NR5A2: variants seen among roughly 807,000 people sequenced by gnomAD.
The protein encoded by NR5A2 is CYP7A promoter-binding factor.
A neutral mutation model predicts 62.7 loss-of-function variants in NR5A2; 26 were observed. The ratio of observed to expected loss-of-function variants is 0.41; its 90% confidence interval spans 0.30 to 0.58. The LOEUF is 0.58. Ranked by LOEUF, NR5A2 falls within the 20% of genes least tolerant of loss-of-function variation. The pLI, the probability that NR5A2 is intolerant of heterozygous loss-of-function variation, is 0.22. For synonymous variants in NR5A2, 246 were observed against 241.7 expected, an observed-to-expected ratio of 1.02 and a Z score of -0.16; for missense variants, 541 against 669.1, an observed-to-expected ratio of 0.81 and a Z score of 2.11.
At chr1:200,146,183 C>A (rs1451338741) in intron 7 of NR5A2, among the ~76,000 whole-genome samples, 1 of 152,140 alleles carries the variant, frequency 6.6e-6, no homozygotes, top group Non-Finnish European at 1.5e-5. Context: ...TTCTAATTTG[C>A]CATTCACTTG....
intron 7 of NR5A2, among the ~76,000 whole-genome samples, chr1:200,158,163 A>C (rs1653471349): frequency 6.6e-6 from 1 of 152,236 alleles, no homozygotes; most frequent in Non-Finnish European, 1.5e-5. Context: ...CAATTTTAGT[A>C]ACCTCAGTCT....
chr1:200,064,972 A>G (rs918550398), intron 5 of NR5A2, among the ~76,000 whole-genome samples: 1 of 152,038 alleles, frequency 6.6e-6, no homozygotes, highest in African/African-American at 2.4e-5. Flanking sequence ...TATTGTAGAT[A>G]TGGGGCCTAG....
chr1:200,086,552 C>T (rs1256228581), intron 5 of NR5A2, among the ~76,000 whole-genome samples: 3 of 152,200 alleles, frequency 2.0e-5, no homozygotes, highest in African/African-American at 7.2e-5. Context: ...ATCCTCCCAC[C>T]TCAGCACTCC....
At chr1:200,116,447 C>A (rs1004115863) in intron 6 of NR5A2, among the ~76,000 whole-genome samples, 1 of 152,166 alleles carries the variant, frequency 6.6e-6, no homozygotes, top group Non-Finnish European at 1.5e-5. Context: ...AATAGCACAG[C>A]CTTTCTCTTA....
At chr1:200,103,338 C>T (rs993461353) in intron 5 of NR5A2, among the ~76,000 whole-genome samples, 3 of 151,852 alleles carry the variant, frequency 2.0e-5, no homozygotes, top group Admixed American at 1.3e-4. Context: ...TTGGCCAGGC[C>T]GGTCTCAAAC....
At chr1:200,087,635 T>A (rs1664617295) in intron 5 of NR5A2, among the ~76,000 whole-genome samples, 1 of 152,204 alleles carries the variant, frequency 6.6e-6, no homozygotes, top group Non-Finnish European at 1.5e-5. Flanking sequence ...GACCTCGTGA[T>A]CTGCCTGCCT....
chr1:200,057,751 G>A (rs1662983257), intron 5 of NR5A2: 8 of 241,042 alleles, frequency 3.3e-5, no homozygotes, highest in South Asian at 2.7e-4. Context: ...AAAGTGCTGG[G>A]ATTATGGGCA....
At chr1:200,161,075 T>C (rs1653620349) in intron 7 of NR5A2, among the ~76,000 whole-genome samples, 1 of 152,116 alleles carries the variant, frequency 6.6e-6, no homozygotes, top group Non-Finnish European at 1.5e-5. Flanking sequence ...AGATGGTCTT[T>C]AGCAGGATAA....
At chr1:200,084,012 A>T (rs1664416018) in intron 5 of NR5A2, among the ~76,000 whole-genome samples, 1 of 143,454 alleles carries the variant, frequency 7.0e-6, no homozygotes, top group African/African-American at 2.6e-5. Flanking sequence ...ATAATAAAGT[A>T]CAGTTTAAAT....
chr1:200,063,384 TC>T (rs1345543125), intron 5 of NR5A2, among the ~76,000 whole-genome samples: 1 of 152,088 alleles, frequency 6.6e-6, no homozygotes, highest in Non-Finnish European at 1.5e-5. Context: ...GGTCTCGAAC[TC>T]CTGACCTCGT....
chr1:200,154,268 A>G (rs553197611), intron 7 of NR5A2, among the ~76,000 whole-genome samples: 1 of 152,176 alleles, frequency 6.6e-6, no homozygotes, highest in South Asian at 2.1e-4. Flanking sequence ...GGAGTGTGCT[A>G]TTGCCAGCCT....
chr1:200,047,047 T>C (rs1571710291), intron 4 of NR5A2, among the ~76,000 whole-genome samples: 1 of 152,214 alleles, frequency 6.6e-6, no homozygotes, highest in African/African-American at 2.4e-5. Flanking sequence ...TTTAATGTGA[T>C]ACTAATCCAA....
intron 5 of NR5A2, among the ~76,000 whole-genome samples, chr1:200,095,809 C>T (rs775454480): frequency 6.6e-6 from 1 of 152,134 alleles, no homozygotes; most frequent in Non-Finnish European, 1.5e-5. Context: ...GCCTTGGCCT[C>T]CCAAAGTGCT....
chr1:200,164,003 A>G (rs1571580064), intron 7 of NR5A2, among the ~76,000 whole-genome samples: 1 of 152,138 alleles, frequency 6.6e-6, no homozygotes, highest in East Asian at 1.9e-4. Flanking sequence ...CAGGTCCCTC[A>G]GGGCCTGGTG....
At chr1:200,088,883 C>A (rs1664681788) in intron 5 of NR5A2, among the ~76,000 whole-genome samples, 1 of 152,278 alleles carries the variant, frequency 6.6e-6, no homozygotes, top group East Asian at 1.9e-4. Context: ...ATCCTCTCTC[C>A]CCATTTTAAT....
At chr1:200,116,535 G>A (rs1270590566) in intron 6 of NR5A2, among the ~76,000 whole-genome samples, 6 of 152,166 alleles carry the variant, frequency 3.9e-5, no homozygotes, top group Non-Finnish European at 8.8e-5. Flanking sequence ...TTCAGAACTA[G>A]AGAAACCAAA....
intron 7 of NR5A2, among the ~76,000 whole-genome samples, chr1:200,155,886 C>T (rs1486525188): frequency 3.3e-5 from 5 of 152,074 alleles, no homozygotes; most frequent in Admixed American, 1.3e-4. Context: ...GTTGGCCAGG[C>T]TGGTCTCGAA....
chr1:200,160,637 A>G (rs1346687801), intron 7 of NR5A2, among the ~76,000 whole-genome samples: 1 of 152,080 alleles, frequency 6.6e-6, no homozygotes, highest in Non-Finnish European at 1.5e-5. Flanking sequence ...TTTTAACAAG[A>G]ACTGTTCCAC....
At chr1:200,134,801 T>C (rs1030016425) in intron 7 of NR5A2, among the ~76,000 whole-genome samples, 2 of 152,348 alleles carry the variant, frequency 1.3e-5, no homozygotes, top group South Asian at 4.1e-4. Context: ...AAAATCTACA[T>C]GAGATTTACC....
Sources: allele counts gnomAD v4.1 joint callset (sites outside exome capture counted in the v4.1 genomes callset), GRCh38; gene constraint gnomAD v4.1.1; transcripts MANE v1.5; gene names NCBI Gene and HGNC (gene_info 2026-07-23, HGNC 2026-07-21).